Variants in RAG1 observed in about 807,000 individuals in gnomAD.
RAG1 encodes recombination activating 1, also known as V(D)J recombination-activating protein 1.
In RAG1, 35 loss-of-function variants were observed where a neutral mutation model predicts 62.7. That is an observed-to-expected ratio of 0.56 (90% CI 0.43 to 0.74). The LOEUF (loss-of-function observed/expected upper bound fraction) is 0.74, where lower values mean the gene tolerates loss of function less well. Ranked by LOEUF, RAG1 falls within the 30% of genes least tolerant of loss-of-function variation. RAG1 has a pLI of 0.00. For synonymous variants in RAG1, 461 were observed against 470.3 expected, an observed-to-expected ratio of 0.98 and a Z score of 0.26; for missense variants, 1,169 against 1,278.6, an observed-to-expected ratio of 0.91 and a Z score of 1.31.
At chr11:36,563,380 C>G (rs1850618090), upstream of RAG1, 1 of 152,148 alleles carries the variant, frequency 6.6e-6, no homozygotes, top group African/African-American at 2.4e-5. Context: ...TTCTCCTGCC[C>G]TCAGACATCC....
rs752586415 is a variant in RAG1 at position 36,576,173 on chromosome 11, G to T, written c.2869G>T (p.Gly957Trp). The T allele has an allele frequency of 6.2e-7, 1 of 1,614,110 alleles. No homozygotes were observed. The highest frequency in any genetic ancestry group is 2.2e-5 in the East Asian group (1 of 44,876). The change falls in exon 2 of 2, where the codon GGG becomes TGG. Residue 957 changes from glycine (G) to tryptophan (W), a missense_variant. By Grantham distance (184) the Gly-to-Trp change is radical. Transcript: ENST00000299440. ...AATTATTGAGAGGGATGGCTCCATT[G>T]GGGCATGGGCAAGTGAGGGAAATGA... ...PEIIERDGSI[G>W]AWASEGNESG...
chr11:36,514,605 T>C (rs188812392), intron 1 of RAG1, among the ~76,000 whole-genome samples: 1 of 152,338 alleles, frequency 6.6e-6, no homozygotes, highest in East Asian at 1.9e-4. Context: ...TTGCTGCAAC[T>C]AGACAGTCCC....
chr11:36,558,338 G>T (rs1003040886), intron 3 of RAG1, among the ~76,000 whole-genome samples: 2 of 152,122 alleles, frequency 1.3e-5, no homozygotes, highest in African/African-American at 4.8e-5. Context: ...TTTCTATTTT[G>T]ATAATCTGTT....
upstream of RAG1, among the ~76,000 whole-genome samples, chr11:36,567,802 C>G (rs970838195): frequency 1.3e-5 from 2 of 152,162 alleles, no homozygotes; most frequent in African/African-American, 2.4e-5. Flanking sequence ...AGGGAGGGAA[C>G]TGGCAGCCAG....
intron 1 of RAG1, among the ~76,000 whole-genome samples, chr11:36,572,714 T>C (rs1490158712): frequency 6.6e-6 from 1 of 152,240 alleles, no homozygotes; most frequent in Non-Finnish European, 1.5e-5. Flanking sequence ...TTCATAAAGC[T>C]CAAAATTCAC....
At chr11:36,546,351 G>T (rs1360787243) in intron 3 of RAG1, among the ~76,000 whole-genome samples, 3 of 152,014 alleles carry the variant, frequency 2.0e-5, no homozygotes, top group Non-Finnish European at 2.9e-5. Context: ...TGTATTTTTT[G>T]ATCTTTGTCG....
rs368169159 is a variant in RAG1 at position 36,576,295 on chromosome 11, C to T, written c.2991C>T (p.Tyr997=). ...ATGTCCTGAAACACCACTGGTTGTA[C>T]ACCTCCAAATACCTCCAGAAGTTTA... ...MEDVLKHHWL[Y]TSKYLQKFMN... Residue 997 remains tyrosine (Y), a synonymous_variant, in exon 2 of 2, where the codon TAC becomes TAT. Transcript: ENST00000299440. The T allele has an allele frequency of 6.8e-6, 11 of 1,614,030 alleles. No individual in the cohort carries two copies. In the African/African-American group the frequency reaches 8.0e-5, roughly 12 times the overall value.
rs61437433 is a variant in RAG1 at position 36,545,793 on chromosome 11, G to A, written c.-412+9759G>A. ...AGCTGTGTCTTAGAGATTCTGGTAC[G>A]TTGTGTCTTTGTTCTCATTGGTTTC... On this transcript the variant is annotated intron_variant and NMD_transcript_variant, in intron 3 of 9. Transcript: ENST00000534663. Among the ~76,000 whole-genome samples, 909 of 152,238 alleles carry A rather than the reference G, an allele frequency of 6.0e-3. 13 individuals carry two copies. The highest frequency in any genetic ancestry group is 0.02 in the African/African-American group (818 of 41,544).
intron 3 of RAG1, among the ~76,000 whole-genome samples, chr11:36,544,165 T>C (rs1475843680): frequency 2.6e-5 from 4 of 152,150 alleles, no homozygotes; most frequent in Non-Finnish European, 5.9e-5. Flanking sequence ...CTGGGACCTA[T>C]AAACGTGGCA....
rs756473420 is a variant in RAG1, at chr11:36,575,373, T to C, written c.2069T>C (p.Leu690Ser). Residue 690 changes from leucine to serine, a missense_variant, in exon 2 of 2, where the codon TTA becomes TCA. Transcript: ENST00000299440. This position sits in a 1 kb window ranked among gnomAD's most constrained non-coding sequence, Gnocchi z 4.1. ...AGGGAGGCCATGAAGAGCAGTGAAT[T>C]AATGCTTGAGCTGGGAGGCATTCTC... The part of the protein sequence containing the change: ...AEREAMKSSE[L>S]MLELGGILRT... The C allele has an allele frequency of 6.2e-7, 1 of 1,614,056 alleles. No homozygotes were observed. Among genetic ancestry groups the C allele is most frequent in the Non-Finnish European group, 8.5e-7 (1 of 1,179,926 alleles).
At chr11:36,543,771 G>C (rs981691604) in intron 3 of RAG1, among the ~76,000 whole-genome samples, 2 of 152,160 alleles carry the variant, frequency 1.3e-5, no homozygotes, top group South Asian at 4.1e-4. Flanking sequence ...AACCTTTTTG[G>C]GGGGAACTTC....
rs1011782477 is a variant in RAG1 at position 36,516,396 on chromosome 11, G to C, written n.331-3736G>C. 3.0e-4 allele frequency among the ~76,000 whole-genome samples: 46 copies of C among 152,176 alleles called. 2 individuals are homozygous for C. The highest frequency in any genetic ancestry group is 2.1e-3 in the Admixed American group (32 of 15,282). On this transcript the variant is annotated intron_variant and non_coding_transcript_variant, in intron 1 of 2. Coordinates refer to the RAG1 transcript ENST00000529126. The stretch of plus-strand genomic sequence containing the variant: ...GAGTGCAGTGGCGCGATCTCCGCTC[G>C]CTGCAAGCTCCGCCTCCCGGGCTCA...
At chr11:36,536,634 A>AT (rs1554941793), downstream of RAG1, among the ~76,000 whole-genome samples, 17 of 151,560 alleles carry the variant, frequency 1.1e-4, no homozygotes, top group African/African-American at 3.9e-4. Flanking sequence ...TAAAAGACAA[A>AT]TAAGAAGAAA....
At chr11:36,551,741 A>G (rs1279750062) in intron 3 of RAG1, among the ~76,000 whole-genome samples, 4 of 136,244 alleles carry the variant, frequency 2.9e-5, no homozygotes, top group South Asian at 5.1e-4. Flanking sequence ...ATATCTCCCA[A>G]TGCTATCCCT....
At chr11:36,516,151 T>A (rs1859992449) in intron 1 of RAG1, among the ~76,000 whole-genome samples, 1 of 152,240 alleles carries the variant, frequency 6.6e-6, no homozygotes, top group Non-Finnish European at 1.5e-5. Flanking sequence ...ACTGCTTTCC[T>A]TGAGGGAAAA....
In RAG1 at chr11:36,576,316, G is replaced by A. The variant is rs1850850830; in HGVS notation, c.3012G>A (p.Lys1004=). 1.2e-6 allele frequency: 2 copies of A among 1,614,078 alleles called. No individual in the cohort carries two copies. The highest frequency in any genetic ancestry group is 1.3e-5 in the African/African-American group (1 of 75,032). The change falls in exon 2 of 2, where the codon AAG becomes AAA. Residue 1004 remains lysine, a synonymous_variant. Transcript: ENST00000299440. ...TGTACACCTCCAAATACCTCCAGAA[G>A]TTTATGAATGCTCATAATGCATTAA... is the stretch of plus-strand genomic sequence containing the variant. ...HWLYTSKYLQ[K]FMNAHNALKT...
At chr11:36,565,375 T>A (rs1283454619), upstream of RAG1, among the ~76,000 whole-genome samples, 1 of 151,512 alleles carries the variant, frequency 6.6e-6, no homozygotes, top group Admixed American at 6.6e-5. Flanking sequence ...CTCAGGGGGG[T>A]TGGGGCTTGG....
chr11:36,511,964 T>C lies in RAG1; in HGVS notation n.330+926T>C, dbSNP rs191190399. Among the ~76,000 whole-genome samples, 11 of 152,344 alleles carry C rather than the reference T, an allele frequency of 7.2e-5. 1 individual carries two copies. Among genetic ancestry groups the C allele is most frequent in the African/African-American group, 2.2e-4 (9 of 41,582 alleles). Reference sequence around the variant, plus strand: ...TCAGTATAAAATAATAAAAATCTATTGTGAGAGACTCCAGCACCAGGCTTT... The same window carrying C: ...TCAGTATAAAATAATAAAAATCTATCGTGAGAGACTCCAGCACCAGGCTTT... On this transcript the variant is annotated intron_variant and non_coding_transcript_variant, in intron 1 of 2. Transcript: ENST00000529126.
downstream of RAG1, among the ~76,000 whole-genome samples, chr11:36,539,933 TAGC>T (rs1210554367): frequency 6.6e-6 from 1 of 152,242 alleles, no homozygotes; most frequent in Non-Finnish European, 1.5e-5. Flanking sequence ...TCATGTCACT[TAGC>T]AGTTATGTTC....
Sources: gnomAD v4.1 joint callset for allele counts (sites outside exome capture counted in the v4.1 genomes callset) on GRCh38, gnomAD v4.1.1 for gene constraint, Gnocchi (gnomAD v3.1) non-coding constraint, MANE v1.5 for transcripts, NCBI Gene and HGNC (gene_info 2026-07-23, HGNC 2026-07-21) for gene names.